Variants in NTNG2 observed in about 807,000 individuals in gnomAD.
NTNG2 encodes netrin G2.
Under a neutral mutation model 47.6 loss-of-function variants are expected in NTNG2, and 15 were observed. The ratio of observed to expected loss-of-function variants is 0.32; its 90% CI spans 0.21 to 0.49. The LOEUF is 0.49. Ranked by LOEUF, NTNG2 falls within the 20% of genes least tolerant of loss-of-function variation. NTNG2 has a pLI of 0.99. For synonymous variants in NTNG2, 307 were observed against 324.6 expected, an observed-to-expected ratio of 0.95 and a Z score of 0.58; for missense variants, 578 against 764.6, an observed-to-expected ratio of 0.76 and a Z score of 2.88.
intron 2 of NTNG2, among the ~76,000 whole-genome samples, chr9:132,194,154 G>A (rs949174927): frequency 6.6e-6 from 1 of 152,212 alleles, no homozygotes; most frequent in African/African-American, 2.4e-5. Context: ...GTCCCCAGGG[G>A]CAGCAGAAGC....
intron 3 of NTNG2, among the ~76,000 whole-genome samples, chr9:132,201,050 C>A (rs1390689024): frequency 1.3e-5 from 2 of 152,254 alleles, no homozygotes; most frequent in Admixed American, 1.3e-4. Context: ...TCAGGGAAAC[C>A]CTCATCTTCA....
chr9:132,239,005 C>T (rs1486358591), intron 5 of NTNG2, 99 bp from the exon 6 acceptor site: 4 of 1,246,636 alleles, frequency 3.2e-6, no homozygotes, highest in South Asian at 1.2e-5. Flanking sequence ...TGCCTTCCTC[C>T]GTCCCTGCAT....
rs1234689297 is a variant in NTNG2, at chr9:132,231,146, C to T, written c.1054+551C>T. The T allele has an allele frequency of 8.0e-6, 3 of 372,940 alleles. No homozygotes were observed. Among genetic ancestry groups the T allele is most frequent in the Non-Finnish European group, 1.6e-5 (3 of 187,050 alleles). 23.1% of individuals were successfully genotyped at this position (372,940 alleles called of 1,614,324 possible). A position where few individuals can be genotyped will look rare whatever the true frequency, so the allele number is the denominator to read the frequency against. The stretch of plus-strand genomic sequence containing the variant: ...AGGTCAGCTCAGGTCCCAGGGGAGT[C>T]GGACCAGGGAGGGGCATCTGCAGGA... On this transcript the variant is annotated intron_variant, in intron 5 of 7. Coordinates refer to ENST00000393229, the MANE Select transcript of NTNG2 (RefSeq NM_032536.4). The surrounding 1 kb of genome is among the most constrained non-coding windows in gnomAD (Gnocchi z 4.1).
chr9:132,206,389 G>A (rs779615471), intron 3 of NTNG2, among the ~76,000 whole-genome samples: 4 of 152,300 alleles, frequency 2.6e-5, no homozygotes, highest in African/African-American at 4.8e-5. Context: ...ACTCTTGGCC[G>A]GGCGTGGTGG....
chr9:132,240,422 C>T (rs576076647), intron 6 of NTNG2, among the ~76,000 whole-genome samples: 6 of 152,358 alleles, frequency 3.9e-5, no homozygotes, highest in African/African-American at 1.4e-4. Flanking sequence ...CACCCTCTCC[C>T]ACAGAGCCCC....
At position 132,163,635 on chromosome 9, in the gene NTNG2, C is replaced by T. The variant is rs1047017353; in HGVS notation, c.-484+1396C>T. Among the ~76,000 whole-genome samples the T allele has an allele frequency of 6.6e-6, 1 of 152,066 alleles. No homozygotes were observed. The highest frequency in any genetic ancestry group is 1.5e-5 in the Non-Finnish European group (1 of 67,970). On this transcript the variant is annotated intron_variant, in intron 1 of 7. Coordinates refer to ENST00000393229, the MANE Select transcript of NTNG2 (RefSeq NM_032536.4). This position sits in a 1 kb window ranked among gnomAD's most constrained non-coding sequence, Gnocchi z 7.2. ...CCCCGGGGTGGGCTGAGTATCCCCC[C>T]TAGCCCCGGGAGCCCCCAGCGCCCT... is the stretch of plus-strand genomic sequence containing the variant.
chr9:132,216,560 T>C (rs1005290572), intron 3 of NTNG2, among the ~76,000 whole-genome samples: 1 of 151,768 alleles, frequency 6.6e-6, no homozygotes, highest in Admixed American at 6.6e-5. Flanking sequence ...CCTGGTGGCC[T>C]GGGAGGGGTC....
intron 2 of NTNG2, among the ~76,000 whole-genome samples, chr9:132,178,121 C>G (rs1412036496): frequency 2.0e-5 from 3 of 152,200 alleles, no homozygotes; most frequent in African/African-American, 7.2e-5. Flanking sequence ...AAACTCAGAT[C>G]CCAGTCATTT....
chr9:132,198,694 A>C, intron 3 of NTNG2, 85 bp downstream of exon 3: 1 of 1,375,286 alleles, frequency 7.3e-7, no homozygotes, highest in South Asian at 1.4e-5. Flanking sequence ...CTGGGATGTT[A>C]CCTGGTATGT....
chr9:132,194,094 G>A (rs981843695), intron 2 of NTNG2, among the ~76,000 whole-genome samples: 3 of 152,194 alleles, frequency 2.0e-5, no homozygotes, highest in African/African-American at 7.2e-5. Flanking sequence ...AGATACTAGG[G>A]TTAGGGCTTC....
intron 3 of NTNG2, among the ~76,000 whole-genome samples, chr9:132,211,427 C>G (rs1839580008): frequency 6.6e-6 from 1 of 152,182 alleles, no homozygotes; most frequent in Admixed American, 6.5e-5. Context: ...AACCCAGTCA[C>G]TTCTCTGCAC....
At chr9:132,233,559 G>A (rs539922911) in intron 5 of NTNG2, 1 of 152,324 alleles carries the variant, frequency 6.6e-6, no homozygotes, top group African/African-American at 2.4e-5. Context: ...CCTCAGCCCT[G>A]TATCAAGAAG....
chr9:132,226,922 A>G lies in NTNG2; in HGVS notation c.931A>G (p.Thr311Ala). Residue 311 changes from threonine (T) to alanine (A), a missense_variant, in exon 4 of 8, where the codon ACC (threonine) becomes GCC (alanine). Coordinates refer to ENST00000393229, the MANE Select transcript of NTNG2 (RefSeq NM_032536.4). The surrounding 1 kb of genome is among the most constrained non-coding windows in gnomAD (Gnocchi z 4.8). ...GSLQCECEHN[T>A]TGPDCGKCKK... ...CCTGCAGTGCGAGTGCGAGCACAAC[A>G]CCACCGGCCCCGACTGCGGCAAGTG... 6.2e-7 allele frequency: 1 copy of G among 1,612,272 alleles called. No homozygotes were observed. Among genetic ancestry groups the G allele is most frequent in the South Asian group, 1.1e-5 (1 of 90,956 alleles).
chr9:132,218,184 C>A lies in NTNG2; in HGVS notation c.858-8665C>A, dbSNP rs1589502951. Among the ~76,000 whole-genome samples the A allele has an allele frequency of 6.6e-6, 1 of 152,222 alleles. No homozygotes were observed. Among genetic ancestry groups the A allele is most frequent in the African/African-American group, 2.4e-5 (1 of 41,460 alleles). On this transcript the variant is annotated intron_variant, in intron 3 of 7. Transcript: ENST00000393229. The surrounding 1 kb of genome is among the most constrained non-coding windows in gnomAD (Gnocchi z 5.4). The stretch of plus-strand genomic sequence containing the variant: ...GGGCTCCCGGCTCCTGCCACACAGG[C>A]CACCCGGGAGTGCAGACACTAAGTG...
Position 132,227,030 on chromosome 9 carries a change from C to A in NTNG2, c.1030+9C>A. ...TGGCTCTCCCAACGCCTGTACGTGC[C>A]ATGCCCCGGGGCCACGAGCCCACAT... On this transcript the variant is annotated intron_variant, in intron 4 of 7. Coordinates refer to ENST00000393229, the MANE Select transcript of NTNG2 (RefSeq NM_032536.4). 6.3e-7 allele frequency: 1 copy of A among 1,588,788 alleles called. No individual in the cohort carries two copies. Among genetic ancestry groups the A allele is most frequent in the Non-Finnish European group, 8.6e-7 (1 of 1,168,124 alleles).
intron 5 of NTNG2, 87 bp from the exon 6 acceptor site, chr9:132,239,017 A>T (rs746562100): frequency 5.1e-6 from 7 of 1,365,882 alleles, no homozygotes; most frequent in Non-Finnish European, 7.3e-6. Flanking sequence ...TCCCTGCATG[A>T]CCTGGGGTGA....
rs187332456 is a variant in NTNG2 at position 132,226,573 on chromosome 9, C to G, written c.858-276C>G. ...AAGGCAGTATCATCACTCTCCCCAA[C>G]TGAGATGTGAGGAATCCTTGAAACC... is the stretch of plus-strand genomic sequence containing the variant. On this transcript the variant is annotated intron_variant, in intron 3 of 7. Coordinates refer to ENST00000393229, the MANE Select transcript of NTNG2 (RefSeq NM_032536.4). The surrounding 1 kb of genome is among the most constrained non-coding windows in gnomAD (Gnocchi z 4.8). Among the ~76,000 whole-genome samples, 3 of 152,362 alleles carry G rather than the reference C, an allele frequency of 2.0e-5. No homozygotes were observed. The East Asian group carries it at 5.8e-4, about 29-fold the overall frequency.
chr9:132,172,125 T>C (rs936256137), intron 2 of NTNG2, among the ~76,000 whole-genome samples: 3 of 152,340 alleles, frequency 2.0e-5, no homozygotes, highest in Middle Eastern at 6.8e-3. Flanking sequence ...GCTCCAGCCT[T>C]GGCCCGTGCT....
At chr9:132,196,835 C>T (rs527897146) in intron 2 of NTNG2, among the ~76,000 whole-genome samples, 1 of 152,166 alleles carries the variant, frequency 6.6e-6, no homozygotes, top group African/African-American at 2.4e-5. Context: ...ACCTCTGACG[C>T]AATTGCAAGT....
Sources: gnomAD v4.1 joint callset for allele counts (sites outside exome capture counted in the v4.1 genomes callset) on GRCh38, gnomAD v4.1.1 for gene constraint, Gnocchi (gnomAD v3.1) non-coding constraint, MANE v1.5 for transcripts, NCBI Gene and HGNC (gene_info 2026-07-23, HGNC 2026-07-21) for gene names.